The following PXDN variants were observed in gnomAD, a reference collection of about 807,000 sequenced individuals.
PXDN encodes peroxidasin homolog.
PXDN carries 77 observed loss-of-function variants against 140.3 expected under a neutral mutation model. The ratio of observed to expected loss-of-function variants is 0.55; its 90% confidence interval spans 0.46 to 0.66. PXDN has a LOEUF of 0.66. Ranked by LOEUF, PXDN falls within the 30% of genes least tolerant of loss-of-function variation. The pLI, the probability that PXDN is intolerant of heterozygous loss-of-function variation, is 0.00. For missense variants in PXDN, 1,838 were observed against 2,039.5 expected, an observed-to-expected ratio of 0.90 and a Z score of 1.90; for synonymous variants, 911 against 857.4, an observed-to-expected ratio of 1.06 and a Z score of -1.09.
rs560864212 is a variant in PXDN at position 1,666,131 on chromosome 2, G to A, written c.1291+83C>T. On this transcript the variant is annotated intron_variant, in intron 10 of 22. Transcript: ENST00000252804. ...GACAGGGCAGAAGATTCTATGGAGC[G>A]TCTGTGGGTATGGCAGCGCGAGCTA... The A allele has an allele frequency of 1.4e-4, 210 of 1,530,780 alleles. 3 individuals are homozygous for A. Among genetic ancestry groups the A allele is most frequent in the South Asian group, 5.9e-4 (48 of 81,942 alleles). The allele number at this position is 1,530,780 out of a possible 1,614,324, so 94.8% of individuals were successfully genotyped here.
At chr2:1,640,889 A>T (rs1296036327) in intron 19 of PXDN, among the ~76,000 whole-genome samples, 1 of 152,148 alleles carries the variant, frequency 6.6e-6, no homozygotes, top group East Asian at 1.9e-4. Flanking sequence ...GCCAAAGCGC[A>T]CACCAGCCCC....
In PXDN at chr2:1,648,716, C is replaced by T. The variant is rs79322931; in HGVS notation, c.3064G>A (p.Val1022Met). 9.1e-4 allele frequency: 1,456 copies of T among 1,604,992 alleles called. 11 individuals are homozygous for T. The African/African-American group carries it at 0.018, about 20-fold the overall frequency. ...GTGATGTGCTGGATCTCCGCACCCA[C>T]GATCTTCCTGGTCTCATAGTAGATG... The part of the protein sequence containing the change: ...DTIYYETRKI[V>M]GAEIQHITYQ... The change falls in exon 17 of 23, where the codon GTG (valine) becomes ATG (methionine). Residue 1022 changes from valine to methionine, a missense_variant. Physicochemically the swap from Val to Met is conservative, Grantham distance 21 (BLOSUM62 1). Transcript: ENST00000252804. The surrounding 1 kb of genome is among the most constrained non-coding windows in gnomAD (Gnocchi z 8.9).
At chr2:1,682,517 G>A (rs181230578) in intron 6 of PXDN, among the ~76,000 whole-genome samples, 68 of 152,246 alleles carry the variant, frequency 4.5e-4, no homozygotes, top group Admixed American at 1.4e-3. Context: ...ATATCTAACC[G>A]AAACTAACGG....
In PXDN at chr2:1,666,386, G is replaced by T; in HGVS notation, c.1119C>A (p.Ile373=). The change falls in exon 10 of 23, where the codon ATC becomes ATA. Residue 373 remains isoleucine (I), a synonymous_variant. Coordinates refer to ENST00000252804, the MANE Select transcript of PXDN (RefSeq NM_012293.3). ...CSATGHPPPR[I]SWTRGDRTPL... ...GTGTGCGGTCACCTCTCGTCCAGGA[G>T]ATCCGCGGCGGGGGGTGGCCTGTGG... 6.2e-7 allele frequency: 1 copy of T among 1,613,690 alleles called. No homozygotes were observed. Among genetic ancestry groups the T allele is most frequent in the Non-Finnish European group, 8.5e-7 (1 of 1,179,804 alleles).
In PXDN at chr2:1,666,431, G is replaced by T. The variant is rs368676480; in HGVS notation, c.1074C>A (p.Ser358Arg). 1 of 1,613,142 alleles carries T rather than the reference G, an allele frequency of 6.2e-7. No individual in the cohort carries two copies. Among genetic ancestry groups the T allele is most frequent in the South Asian group, 1.1e-5 (1 of 90,932 alleles). Residue 358 changes from serine to arginine, a missense_variant, in exon 10 of 23, where the codon AGC (serine) becomes AGA (arginine). Physicochemically the swap from Ser to Arg is moderately radical, Grantham distance 110. Transcript: ENST00000252804. ...PQNTEVLVGE[S>R]VTLECSATGH... The stretch of plus-strand genomic sequence containing the variant: ...CTGTGGCGCTGCACTCCAGCGTGAC[G>T]CTCTCCCCAACCAGCACCTCTGTAT...
At position 1,680,373 on chromosome 2, in the gene PXDN, G is replaced by C. The variant is rs776863350; in HGVS notation, c.561-11C>G. 1.5e-5 allele frequency: 24 copies of C among 1,613,872 alleles called. No individual in the cohort carries two copies. The South Asian group carries it at 2.6e-4, about 18-fold the overall frequency. ...TTTGAGTCCAGTCGCCTGTGGGAAG[G>C]AAGATGCAGCCGGTGAGACATGGGG... On this transcript the variant is annotated splice_polypyrimidine_tract_variant and intron_variant, in intron 6 of 22. Coordinates refer to ENST00000252804, the MANE Select transcript of PXDN (RefSeq NM_012293.3).
At chr2:1,657,763 A>C (rs1399596990) in intron 14 of PXDN, among the ~76,000 whole-genome samples, 4 of 113,106 alleles carry the variant, frequency 3.5e-5, no homozygotes, top group Non-Finnish European at 6.7e-5. Flanking sequence ...ACTGAGACCT[A>C]GTCCTTTCCT....
chr2:1,736,146 G>A (rs138824873), intron 1 of PXDN, among the ~76,000 whole-genome samples: 13 of 152,296 alleles, frequency 8.5e-5, no homozygotes, highest in African/African-American at 1.7e-4. Flanking sequence ...TGAGTGGAAT[G>A]TTGTGGCTGG....
chr2:1,720,724 T>TCACACACA (rs1221326586), intron 1 of PXDN, among the ~76,000 whole-genome samples: 3 of 28,168 alleles, frequency 1.1e-4, no homozygotes, highest in East Asian at 4.2e-4. Flanking sequence ...TCTCTCTCTC[T>TCACACACA]CACACACACA....
chr2:1,697,921 G>A (rs1399373031), intron 1 of PXDN, among the ~76,000 whole-genome samples: 1 of 152,224 alleles, frequency 6.6e-6, no homozygotes, highest in Non-Finnish European at 1.5e-5. Context: ...GAGACAGATT[G>A]TAGAAAGTTC....
intron 14 of PXDN, 33 bp from the exon 15 acceptor site, chr2:1,654,541 A>G: frequency 7.1e-7 from 1 of 1,402,298 alleles, no homozygotes; most frequent in East Asian, 2.3e-5. Flanking sequence ...ATTACCAGGA[A>G]AAATACTGCA....
At chr2:1,663,562 G>A (rs758320227) in intron 12 of PXDN, 43 bp downstream of exon 12, 14 of 1,603,236 alleles carry the variant, frequency 8.7e-6, no homozygotes, top group Admixed American at 1.7e-5. Context: ...CCTGATAACC[G>A]ATCTGAGAAA....
chr2:1,683,299 T>C (rs1424600269), intron 6 of PXDN, among the ~76,000 whole-genome samples: 1 of 151,606 alleles, frequency 6.6e-6, no homozygotes, highest in East Asian at 1.9e-4. Context: ...CATGTGCCTA[T>C]AGTCCCAGCT....
At chr2:1,677,923 A>AGT (rs146499278) in intron 7 of PXDN, among the ~76,000 whole-genome samples, 14 of 151,998 alleles carry the variant, frequency 9.2e-5, no homozygotes, top group Admixed American at 4.6e-4. Context: ...CACGGGTACG[A>AGT]GTGTGTGTGT....
intron 1 of PXDN, among the ~76,000 whole-genome samples, chr2:1,694,626 C>T (rs1558512197): frequency 6.6e-6 from 1 of 152,242 alleles, no homozygotes; most frequent in Non-Finnish European, 1.5e-5. Context: ...GCACCCTCCC[C>T]CTGCACCGCC....
At chr2:1,675,719 C>T (rs1196593528) in intron 8 of PXDN, among the ~76,000 whole-genome samples, 1 of 149,804 alleles carries the variant, frequency 6.7e-6, no homozygotes, top group African/African-American at 2.5e-5. Flanking sequence ...CACCACCTTG[C>T]CCGAGAGCCA....
chr2:1,657,210 C>G (rs1358155378), intron 14 of PXDN, among the ~76,000 whole-genome samples: 1 of 150,228 alleles, frequency 6.7e-6, no homozygotes, highest in Non-Finnish European at 1.5e-5. Context: ...CCTGCCCCCT[C>G]CTGACTGAAA....
chr2:1,717,535 C>T (rs1010279235), intron 1 of PXDN, among the ~76,000 whole-genome samples: 2 of 152,174 alleles, frequency 1.3e-5, no homozygotes, highest in Non-Finnish European at 2.9e-5. Context: ...ATAGACTCAC[C>T]TAATTTACCT....
At chr2:1,640,812 G>A (rs1682708866) in intron 19 of PXDN, among the ~76,000 whole-genome samples, 1 of 152,208 alleles carries the variant, frequency 6.6e-6, no homozygotes, top group Non-Finnish European at 1.5e-5. Context: ...GTGGGTCCCT[G>A]GTAGAATTAC....
Sources: allele counts gnomAD v4.1 joint callset (sites outside exome capture counted in the v4.1 genomes callset), GRCh38; gene constraint gnomAD v4.1.1; non-coding constraint Gnocchi (gnomAD v3.1); transcripts MANE v1.5; gene names NCBI Gene and HGNC (gene_info 2026-07-23, HGNC 2026-07-21).